PTPRE: variants seen among roughly 807,000 people sequenced by gnomAD.
The protein encoded by PTPRE is receptor-type tyrosine-protein phosphatase epsilon.
PTPRE carries 51 observed loss-of-function variants against 102.0 expected under a neutral mutation model. That is an observed-to-expected ratio of 0.50 (90% CI 0.40 to 0.63). The LOEUF (loss-of-function observed/expected upper bound fraction) is 0.63. Among genes scored for constraint, PTPRE ranks in the 30% least tolerant of loss-of-function variants. The pLI is 0.00. For synonymous variants in PTPRE, 345 were observed against 348.2 expected (o/e 0.99, Z 0.10); for missense variants, 752 against 915.1 (o/e 0.82, Z 2.30).
chr10:128,017,459 A>G (rs1010110359), intron 2 of PTPRE, among the ~76,000 whole-genome samples: 1 of 152,078 alleles, frequency 6.6e-6, no homozygotes, highest in Admixed American at 6.5e-5. Flanking sequence ...TCTCACAGAC[A>G]TTTTTTAGAG....
chr10:128,067,941 A>G (rs1164273343), intron 11 of PTPRE, among the ~76,000 whole-genome samples, 182 bp from the exon 12 acceptor site: 1 of 152,210 alleles, frequency 6.6e-6, no homozygotes, highest in East Asian at 1.9e-4. Flanking sequence ...AAAGCAGCAC[A>G]TGTTCAGAGT....
At position 127,983,753 on chromosome 10, in the gene PTPRE, C is replaced by T. The variant is rs141871187; in HGVS notation, c.-8+1457C>T. ...TCTCTCCACTCAGTACTGGCCCCTC[C>T]GCACCCCATTTTGCCTTCTGCCGCT... is the stretch of plus-strand genomic sequence containing the variant. On this transcript the variant is annotated intron_variant, in intron 2 of 20. Transcript: ENST00000254667. Among the ~76,000 whole-genome samples the T allele has an allele frequency of 7.9e-4, 120 of 152,292 alleles. No homozygotes were observed. The East Asian group carries it at 9.8e-3, about 12-fold the overall frequency.
chr10:128,078,365 C>T (rs181021012), intron 19 of PTPRE, among the ~76,000 whole-genome samples: 39 of 152,370 alleles, frequency 2.6e-4, no homozygotes, highest in Admixed American at 1.7e-3. Context: ...GGGGCAGATA[C>T]GCAAATCTGG....
intron 3 of PTPRE, among the ~76,000 whole-genome samples, chr10:128,046,035 C>T (rs1848063313): frequency 6.6e-6 from 1 of 152,226 alleles, no homozygotes. Flanking sequence ...CACAGACCAG[C>T]TGTTTCCTCT....
intron 1 of PTPRE, among the ~76,000 whole-genome samples, chr10:127,925,232 G>A (rs986505918): frequency 7.2e-5 from 11 of 152,246 alleles, no homozygotes; most frequent in African/African-American, 2.4e-4. Context: ...CCCAGAGAGA[G>A]TGATCCAGGA....
chr10:127,913,171 G>GC (rs1232627366), intron 1 of PTPRE, among the ~76,000 whole-genome samples: 1 of 152,180 alleles, frequency 6.6e-6, no homozygotes, highest in Non-Finnish European at 1.5e-5. Flanking sequence ...CAGAGGCCTG[G>GC]CCCCATGATC....
At chr10:127,933,882 G>A (rs1005532897) in intron 1 of PTPRE, among the ~76,000 whole-genome samples, 2 of 152,126 alleles carry the variant, frequency 1.3e-5, no homozygotes, top group African/African-American at 2.4e-5. Flanking sequence ...CCTAAACCTC[G>A]ATTTCCCTAA....
At chr10:127,926,362 T>A (rs1318342513) in intron 1 of PTPRE, among the ~76,000 whole-genome samples, 1 of 152,254 alleles carries the variant, frequency 6.6e-6, no homozygotes, top group Non-Finnish European at 1.5e-5. Flanking sequence ...AATATGAGCA[T>A]ATTTTAAAAC....
At position 128,083,076 on chromosome 10, in the gene PTPRE, T is replaced by C. The variant is rs1330593766; in HGVS notation, c.*170T>C. 1 of 518,238 alleles carries C rather than the reference T, an allele frequency of 1.9e-6. No homozygotes were observed. The highest frequency in any genetic ancestry group is 3.0e-6 in the Non-Finnish European group (1 of 329,856). 32.1% of individuals were successfully genotyped at this position (518,238 alleles called of 1,614,324 possible). A position where few individuals can be genotyped will look rare whatever the true frequency, so the allele number is the denominator to read the frequency against. ...GTTGTTAAATCTTAAATATGCTTTT[T>C]AAAAATTGGAATAATGTATTAAGGT... is the stretch of plus-strand genomic sequence containing the variant. On this transcript the variant is annotated 3_prime_UTR_variant, in exon 21 of 21. Coordinates refer to ENST00000254667, the MANE Select transcript of PTPRE (RefSeq NM_006504.6).
chr10:127,951,532 T>A (rs781350921), intron 1 of PTPRE, among the ~76,000 whole-genome samples: 4 of 152,082 alleles, frequency 2.6e-5, no homozygotes, highest in Non-Finnish European at 5.9e-5. Context: ...TCAATAGAGT[T>A]TTATCTCAGA....
At chr10:128,043,982 T>G (rs1847905754) in intron 3 of PTPRE, among the ~76,000 whole-genome samples, 2 of 152,226 alleles carry the variant, frequency 1.3e-5, no homozygotes, top group Admixed American at 1.3e-4. Context: ...TCATTTTTTT[T>G]CTTTCTTAGT....
chr10:128,085,072 G>A lies in PTPRE; in HGVS notation c.*2166G>A. On this transcript the variant is annotated 3_prime_UTR_variant, in exon 21 of 21. Coordinates refer to ENST00000254667, the MANE Select transcript of PTPRE (RefSeq NM_006504.6). ...CTGTTCCCAAACTTTTTCCATTCCA[G>A]GAACAAAGGAGAAGCCACTTTCCCC... is the stretch of plus-strand genomic sequence containing the variant. 1 of 455,950 alleles carries A rather than the reference G, an allele frequency of 2.2e-6. No individual in the cohort carries two copies. The highest frequency in any genetic ancestry group is 4.4e-6 in the Non-Finnish European group (1 of 226,822). The allele number at this position is 455,950 out of a possible 1,614,324, so 28.2% of individuals were successfully genotyped here. A position where few individuals can be genotyped will look rare whatever the true frequency, so the allele number is the denominator to read the frequency against.
intron 2 of PTPRE, among the ~76,000 whole-genome samples, chr10:128,010,921 C>A (rs1844960234): frequency 6.6e-6 from 1 of 152,142 alleles, no homozygotes; most frequent in African/African-American, 2.4e-5. Context: ...CAGCTGGTAA[C>A]CCATCCATTA....
chr10:128,077,933 A>G, intron 19 of PTPRE, 150 bp downstream of exon 19: 1 of 785,692 alleles, frequency 1.3e-6, no homozygotes, highest in Non-Finnish European at 1.9e-6. Context: ...ACACATGCAC[A>G]CACGACTTCA....
At chr10:127,999,854 A>G in intron 2 of PTPRE, 2 of 985,434 alleles carry the variant, frequency 2.0e-6, no homozygotes, top group Non-Finnish European at 2.4e-6. Flanking sequence ...CTTTCGCATC[A>G]GTAGCCTGCT....
intron 2 of PTPRE, chr10:127,987,398 A>G (rs1458822465): frequency 6.5e-5 from 82 of 1,252,202 alleles, no homozygotes; most frequent in Non-Finnish European, 7.6e-5. Flanking sequence ...GACAAGAGGT[A>G]ACGGGGAGCT....
At chr10:128,029,942 G>A (rs369017149) in intron 2 of PTPRE, among the ~76,000 whole-genome samples, 2 of 152,210 alleles carry the variant, frequency 1.3e-5, no homozygotes, top group Non-Finnish European at 2.9e-5. Flanking sequence ...TTCTGGGGGC[G>A]GGGACAGGAC....
chr10:127,966,849 A>G (rs1041634350), intron 1 of PTPRE, among the ~76,000 whole-genome samples: 1 of 152,220 alleles, frequency 6.6e-6, no homozygotes, highest in Non-Finnish European at 1.5e-5. Context: ...CTGCGAAGGA[A>G]GTCTCAAGGT....
chr10:127,912,426 C>T lies in PTPRE; in HGVS notation c.-31+5117C>T, dbSNP rs541487277. On this transcript the variant is annotated intron_variant, in intron 1 of 20. Transcript: ENST00000254667. ...TGCAATCAAGAATGTTCAGTTAATCCGGTCCATTATGTATATTGTAACAAG... is the reference window on the plus strand; with the variant it reads ...TGCAATCAAGAATGTTCAGTTAATCTGGTCCATTATGTATATTGTAACAAG... 2.5e-4 allele frequency among the ~76,000 whole-genome samples: 38 copies of T among 152,056 alleles called. No homozygotes were observed. The South Asian group carries it at 7.1e-3, about 28-fold the overall frequency.
Sources: allele counts gnomAD v4.1 joint callset (sites outside exome capture counted in the v4.1 genomes callset), GRCh38; gene constraint gnomAD v4.1.1; transcripts MANE v1.5; gene names NCBI Gene and HGNC (gene_info 2026-07-23, HGNC 2026-07-21).